Variants in NFIB observed in about 807,000 individuals in gnomAD.
The protein encoded by NFIB is nuclear factor 1 B-type.
Under a neutral mutation model 61.5 loss-of-function variants are expected in NFIB, and 11 were observed. The observed-to-expected ratio is 0.18, with a 90% CI of 0.11 to 0.30. The LOEUF is 0.30. Among genes scored for constraint, NFIB ranks in the 10% least tolerant of loss-of-function variants. NFIB has a pLI of 1.00. For synonymous variants in NFIB, 260 were observed against 216.5 expected (o/e 1.20, Z -1.76); for missense variants, 471 against 608.9 (o/e 0.77, Z 2.38).
At chr9:14,211,834 T>G (rs889847061) in intron 2 of NFIB, among the ~76,000 whole-genome samples, 3 of 152,236 alleles carry the variant, frequency 2.0e-5, no homozygotes, top group African/African-American at 7.2e-5. Flanking sequence ...ACATGAATAT[T>G]GTACTTTCAA....
chr9:14,339,641 A>G (rs1334917184), intron 1 of NFIB, among the ~76,000 whole-genome samples: 1 of 152,162 alleles, frequency 6.6e-6, no homozygotes, highest in Non-Finnish European at 1.5e-5. Flanking sequence ...GAAGATGTTA[A>G]TTAAGACCAG....
intron 3 of NFIB, among the ~76,000 whole-genome samples, chr9:14,174,478 G>A (rs1399660391): frequency 6.6e-6 from 1 of 152,082 alleles, no homozygotes; most frequent in African/African-American, 2.4e-5. Flanking sequence ...TTATTAAGAA[G>A]TGAATGAGGC....
In NFIB at chr9:14,347,769, G is replaced by A. The variant is rs182704544; in HGVS notation, c.109-40249C>T. ...CCAGGAGTTCCGCGGTTTTTTTTCC[G>A]TGCAGAAATCACTACCCGGCGACGG... On this transcript the variant is annotated intron_variant, in intron 1 of 8. Transcript: ENST00000380934. Among the ~76,000 whole-genome samples, 425 of 152,022 alleles carry A rather than the reference G, an allele frequency of 2.8e-3. 9 individuals are homozygous for A. The highest frequency in any genetic ancestry group is 1.2e-3 in the Non-Finnish European group (80 of 67,938).
upstream of NFIB, chr9:14,314,214 C>A (rs1437707552): frequency 1.9e-6 from 1 of 513,570 alleles, no homozygotes; most frequent in African/African-American, 2.8e-5. Context: ...AGGGAGAGGC[C>A]GGGGTGAGGG....
intron 2 of NFIB, among the ~76,000 whole-genome samples, chr9:14,259,750 A>C (rs2056569923): frequency 6.6e-6 from 1 of 151,974 alleles, no homozygotes; most frequent in Non-Finnish European, 1.5e-5. Context: ...AAAATACAAA[A>C]AAAAATTAGC....
chr9:14,465,722 A>T, the NFIB span, among the ~76,000 whole-genome samples: 2 of 152,056 alleles, frequency 1.3e-5, no homozygotes, highest in Non-Finnish European at 2.9e-5. Context: ...GATGCAATGG[A>T]ACATGTTGGG....
At chr9:14,500,805 G>T in the NFIB span, among the ~76,000 whole-genome samples, 1 of 152,032 alleles carries the variant, frequency 6.6e-6, no homozygotes, top group Non-Finnish European at 1.5e-5. Context: ...GGACTCTCAC[G>T]CATTTCCCAC....
chr9:14,207,836 G>A (rs745403242), intron 2 of NFIB, among the ~76,000 whole-genome samples: 5 of 152,068 alleles, frequency 3.3e-5, no homozygotes, highest in Non-Finnish European at 7.4e-5. Flanking sequence ...AGAAGAGCCC[G>A]TTTCCATTGC....
chr9:14,527,733 A>G, the NFIB span, among the ~76,000 whole-genome samples: 241 of 152,314 alleles, frequency 1.6e-3, 2 homozygotes, highest in South Asian at 5.6e-3. Context: ...TTTAGACATA[A>G]TATCTTTAGA....
At chr9:14,207,672 A>G (rs888993764) in intron 2 of NFIB, among the ~76,000 whole-genome samples, 1 of 151,134 alleles carries the variant, frequency 6.6e-6, no homozygotes, top group Non-Finnish European at 1.5e-5. Context: ...GCTTCACCAC[A>G]GGATCAAGTA....
the NFIB span, among the ~76,000 whole-genome samples, chr9:14,455,623 C>T: frequency 4.6e-5 from 7 of 152,078 alleles, no homozygotes; most frequent in East Asian, 9.7e-4. Flanking sequence ...GCAGAATGAA[C>T]GGATTAGAGA....
At chr9:14,209,964 T>G (rs1336128987) in intron 2 of NFIB, among the ~76,000 whole-genome samples, 1 of 152,206 alleles carries the variant, frequency 6.6e-6, no homozygotes, top group African/African-American at 2.4e-5. Context: ...CAAAAATGCT[T>G]TTTATTTAAT....
chr9:14,183,405 A>AT (rs756285216), intron 2 of NFIB, among the ~76,000 whole-genome samples: 2,516 of 144,734 alleles, frequency 0.017, 20 homozygotes, highest in Non-Finnish European at 0.026. Flanking sequence ...GGGAAAAAAA[A>AT]TTTTTTTTTT....
At chr9:14,161,403 G>A (rs2044186930) in intron 3 of NFIB, among the ~76,000 whole-genome samples, 1 of 151,950 alleles carries the variant, frequency 6.6e-6, no homozygotes, top group Non-Finnish European at 1.5e-5. Context: ...GGATGATTTA[G>A]GTGATCTTGG....
intron 3 of NFIB, among the ~76,000 whole-genome samples, chr9:14,168,159 G>A (rs570371917): frequency 6.6e-5 from 10 of 152,286 alleles, no homozygotes; most frequent in African/African-American, 2.4e-4. Context: ...CTGAGTAAGG[G>A]AATGATCCCA....
At chr9:14,508,243 G>C in the NFIB span, among the ~76,000 whole-genome samples, 1 of 152,206 alleles carries the variant, frequency 6.6e-6, no homozygotes, top group Non-Finnish European at 1.5e-5. Flanking sequence ...ATGTGTGTAT[G>C]TGTGATGTTT....
chr9:14,343,687 A>G (rs1304535257), intron 1 of NFIB, among the ~76,000 whole-genome samples: 2 of 152,096 alleles, frequency 1.3e-5, no homozygotes, highest in African/African-American at 2.4e-5. Flanking sequence ...GGAGAAGGGA[A>G]AAGGAAGAAA....
Position 14,396,896 on chromosome 9 carries a change from G to A in NFIB, c.108+1628C>T, listed in dbSNP as rs148541840. On this transcript the variant is annotated intron_variant, in intron 1 of 8. Transcript: ENST00000380934. ...AATGGAATTGAAAAAGAAGAGAGGT[G>A]CCCCAAGAATGTGGGGATGCAGATG... is the stretch of plus-strand genomic sequence containing the variant. Among the ~76,000 whole-genome samples, 511 of 152,186 alleles carry A rather than the reference G, an allele frequency of 3.4e-3. 9 individuals carry two copies. Among genetic ancestry groups the A allele is most frequent in the Admixed American group, 0.031 (478 of 15,272 alleles).
intron 1 of NFIB, among the ~76,000 whole-genome samples, chr9:14,311,425 A>C (rs905396347): frequency 3.9e-5 from 6 of 152,182 alleles, no homozygotes; most frequent in African/African-American, 1.4e-4. Context: ...CTGCAAAGTC[A>C]CATGGAGCTT....
Sources: allele counts gnomAD v4.1 joint callset (sites outside exome capture counted in the v4.1 genomes callset), GRCh38; gene constraint gnomAD v4.1.1; transcripts MANE v1.5; gene names NCBI Gene and HGNC (gene_info 2026-07-23, HGNC 2026-07-21).